DOCK7: variants seen among roughly 807,000 people sequenced by gnomAD.
DOCK7 encodes the protein dedicator of cytokinesis protein 7.
DOCK7 carries 138 observed loss-of-function variants against 271.0 expected under a neutral mutation model. That is an observed-to-expected ratio of 0.51 (90% CI 0.44 to 0.59). The LOEUF is 0.59. Ranked by LOEUF, DOCK7 falls within the 20% of genes least tolerant of loss-of-function variation. The pLI is 0.00. For synonymous variants in DOCK7, 823 were observed against 876.1 expected (o/e 0.94, Z 1.07); for missense variants, 2,066 against 2,592.4 (o/e 0.80, Z 4.41).
intron 31 of DOCK7, among the ~76,000 whole-genome samples, chr1:62,518,245 G>C (rs1471186265): frequency 2.0e-5 from 3 of 151,622 alleles, no homozygotes; most frequent in Non-Finnish European, 2.9e-5. Flanking sequence ...AGATCAGCCT[G>C]GCCAACATAG....
chr1:62,477,769 C>T lies in DOCK7; in HGVS notation c.5565G>A (p.Leu1855=). 6.2e-7 allele frequency: 1 copy of T among 1,611,600 alleles called. No homozygotes were observed. The highest frequency in any genetic ancestry group is 8.5e-7 in the Non-Finnish European group (1 of 1,179,280). ...CCTTGTAAACAAATTCTTGTTCATC[C>T]AAATCCCCGAACTTGGTTCCATAAA... ...VGFYGTKFGD[L]DEQEFVYKEP... is the part of the protein sequence containing the mutation. Residue 1855 remains leucine, a synonymous_variant, in exon 44 of 50, where the codon TTG becomes TTA. Transcript: ENST00000635253.
chr1:62,622,449 C>T (rs1468672000), intron 12 of DOCK7, among the ~76,000 whole-genome samples: 1 of 151,796 alleles, frequency 6.6e-6, no homozygotes, highest in Non-Finnish European at 1.5e-5. Context: ...TGACTTCACA[C>T]ATTTTATTTA....
At chr1:62,568,695 A>C (rs552006084) in intron 18 of DOCK7, among the ~76,000 whole-genome samples, 45 of 151,356 alleles carry the variant, frequency 3.0e-4, no homozygotes, top group South Asian at 1.7e-3. Context: ...ACCACCAACA[A>C]CAACAAAAAA....
chr1:62,500,587 A>C lies in DOCK7; in HGVS notation c.4764+4043T>G, dbSNP rs1488676295. On this transcript the variant is annotated intron_variant, in intron 37 of 49. Transcript: ENST00000635253. ...AACTTAACACAAATCAGTCAATACT[A>C]AGACAAATATTCTAGAAAAGTCATT... Among the ~76,000 whole-genome samples the C allele has an allele frequency of 3.9e-5, 6 of 152,214 alleles. No homozygotes were observed. In the East Asian group the frequency reaches 1.2e-3, roughly 29 times the overall value.
rs370097721 is a variant in DOCK7, at chr1:62,559,169, G to T, written c.2251C>A (p.Leu751Met). Residue 751 changes from leucine to methionine, a missense_variant, in exon 20 of 50, where the codon CTG becomes ATG. Physicochemically the swap from Leu to Met is conservative, Grantham distance 15 (BLOSUM62 2). Transcript: ENST00000635253. ...ATGTCCCCAATTCGGACTGGGAACA[G>T]GTGTTCATCCAGAGCATTGACCAGA... is the stretch of plus-strand genomic sequence containing the variant. ...FALVNALDEH[L>M]FPVRIGDMRI... 1 of 1,613,582 alleles carries T rather than the reference G, an allele frequency of 6.2e-7. No homozygotes were observed. Among genetic ancestry groups the T allele is most frequent in the African/African-American group, 1.3e-5 (1 of 74,860 alleles).
In DOCK7 at chr1:62,577,372, T is replaced by A. The variant is rs1192124572; in HGVS notation, c.2011-9A>T. On this transcript the variant is annotated splice_polypyrimidine_tract_variant and intron_variant, in intron 17 of 49. Coordinates refer to ENST00000635253, the MANE Select transcript of DOCK7 (RefSeq NM_001367561.1). ...TGAAGCATTGGTATCCACTTTTAAA[T>A]GAAAAGAAAACAATTTTATTTTAAA... 1 of 1,544,202 alleles carries A rather than the reference T, an allele frequency of 6.5e-7. No individual in the cohort carries two copies. Among genetic ancestry groups the A allele is most frequent in the East Asian group, 2.3e-5 (1 of 43,762 alleles).
At position 62,559,102 on chromosome 1, in the gene DOCK7, C is replaced by G. The variant is rs1294743800; in HGVS notation, c.2318G>C (p.Ser773Thr). Residue 773 changes from serine (S) to threonine (T), a missense_variant, in exon 20 of 50, where the codon AGT (serine) becomes ACT (threonine). Physicochemically the swap from Ser to Thr is moderately conservative, Grantham distance 58. Transcript: ENST00000635253. ...CTGGGATGAATTCAGTGCTGAAATACTGCTCTTCAATTCATTTTCTAAGTT... is the reference window on the plus strand; with the variant it reads ...CTGGGATGAATTCAGTGCTGAAATAGTGCTCTTCAATTCATTTTCTAAGTT... ...ENNLENELKS[S>T]ISALNSSQLE... 6.2e-7 allele frequency: 1 copy of G among 1,613,892 alleles called. No individual in the cohort carries two copies. Among genetic ancestry groups the G allele is most frequent in the African/African-American group, 1.3e-5 (1 of 75,046 alleles).
intron 20 of DOCK7, among the ~76,000 whole-genome samples, chr1:62,558,164 A>T (rs1646208451): frequency 1.3e-5 from 2 of 152,206 alleles, no homozygotes; most frequent in South Asian, 4.1e-4. Flanking sequence ...ATTACTTAAA[A>T]TTCCTCCCCC....
intron 15 of DOCK7, chr1:62,584,439 T>A: frequency 9.9e-7 from 1 of 1,007,002 alleles, no homozygotes; most frequent in Non-Finnish European, 1.2e-6. Context: ...AGTATGTCTA[T>A]GTTTATATAC....
chr1:62,524,088 G>C (rs867309707), intron 31 of DOCK7, among the ~76,000 whole-genome samples: 3 of 152,120 alleles, frequency 2.0e-5, no homozygotes, highest in Non-Finnish European at 2.9e-5. Flanking sequence ...CACTTCAAAA[G>C]AGAGAATCCA....
rs979770908 is a variant in DOCK7 at position 62,662,946 on chromosome 1, C to A, written c.144+79G>T. ...GAGACTAATGACGGAACCCAATTAG[C>A]TCTTATCTTTCCACTATTTTTTCAT... is the stretch of plus-strand genomic sequence containing the variant. On this transcript the variant is annotated intron_variant, in intron 2 of 49. Transcript: ENST00000635253. 7.8e-6 allele frequency: 9 copies of A among 1,150,510 alleles called. No individual in the cohort carries two copies. In the African/African-American group the frequency reaches 1.2e-4, roughly 16 times the overall value. The allele number at this position is 1,150,510 out of a possible 1,614,324, so 71.3% of individuals were successfully genotyped here.
chr1:62,558,321 T>C (rs1461093627), intron 20 of DOCK7, among the ~76,000 whole-genome samples: 1 of 152,014 alleles, frequency 6.6e-6, no homozygotes, highest in Non-Finnish European at 1.5e-5. Flanking sequence ...AAATCTCCCC[T>C]AAAAAAACTC....
intron 14 of DOCK7, among the ~76,000 whole-genome samples, chr1:62,610,194 A>C (rs75940696): frequency 0.011 from 1,740 of 152,298 alleles, 44 homozygotes; most frequent in African/African-American, 0.04. Context: ...ATTCGATAGA[A>C]TAAAACTCAG....
chr1:62,645,541 G>A (rs911152751), intron 7 of DOCK7, among the ~76,000 whole-genome samples: 1 of 152,124 alleles, frequency 6.6e-6, no homozygotes, highest in East Asian at 1.9e-4. Context: ...AGGAAAAGAG[G>A]CACTTACTAT....
intron 14 of DOCK7, chr1:62,609,634 A>G (rs1377916340): frequency 6.6e-6 from 1 of 152,190 alleles, no homozygotes; most frequent in Non-Finnish European, 1.5e-5. Context: ...TAATCTCTAC[A>G]AACGCTTCCT....
rs1471494562 is a variant in DOCK7, at chr1:62,455,196, A to T, written c.*218T>A. The T allele has an allele frequency of 6.2e-6, 4 of 649,956 alleles. No individual in the cohort carries two copies. In the African/African-American group the frequency reaches 7.3e-5, roughly 12 times the overall value. 40.3% of individuals were successfully genotyped at this position (649,956 alleles called of 1,614,324 possible). ...GTATAGTGTACCTTTGAGTCATTAA[A>T]ATGTCTTAAAAGATAACAGCTTGTT... On this transcript the variant is annotated 3_prime_UTR_variant, in exon 50 of 50. Transcript: ENST00000635253.
At chr1:62,602,472 A>G in intron 14 of DOCK7, 2 of 1,084,890 alleles carry the variant, frequency 1.8e-6, no homozygotes, top group Non-Finnish European at 1.4e-6. Flanking sequence ...GAAAAGTAGT[A>G]ACGAACGAGA....
chr1:62,475,102 G>A (rs1315748268), intron 47 of DOCK7, 106 bp downstream of exon 47: 6 of 1,292,564 alleles, frequency 4.6e-6, no homozygotes, highest in Non-Finnish European at 6.2e-6. Context: ...ACAGGCAGTA[G>A]AGAAGGCAGA....
intron 7 of DOCK7, chr1:62,641,504 TG>T: frequency 2.2e-6 from 1 of 448,720 alleles, no homozygotes; most frequent in Non-Finnish European, 4.5e-6. Flanking sequence ...GCTGGGGGCT[TG>T]GAAATGGTAG....
Sources: gnomAD v4.1 joint callset for allele counts (sites outside exome capture counted in the v4.1 genomes callset) on GRCh38, gnomAD v4.1.1 for gene constraint, MANE v1.5 for transcripts, NCBI Gene and HGNC (gene_info 2026-07-23, HGNC 2026-07-21) for gene names.